Variants in ITSN1 observed in about 807,000 individuals in gnomAD.
ITSN1 encodes the protein intersectin-1.
A neutral mutation model predicts 239.8 loss-of-function variants in ITSN1; 58 were observed. That is an observed-to-expected ratio of 0.24 (90% CI 0.20 to 0.30). ITSN1 has a LOEUF of 0.30. Ranked by LOEUF, ITSN1 falls within the 10% of genes least tolerant of loss-of-function variation. The pLI is 1.00. For synonymous variants in ITSN1, 780 were observed against 770.8 expected, an observed-to-expected ratio of 1.01 and a Z score of -0.20; for missense variants, 1,558 against 2,103.3, an observed-to-expected ratio of 0.74 and a Z score of 5.07.
chr21:33,675,283 G>T (rs1401035047), intron 1 of ITSN1, among the ~76,000 whole-genome samples: 2 of 152,120 alleles, frequency 1.3e-5, no homozygotes, highest in African/African-American at 4.8e-5. Flanking sequence ...CTTGATATGG[G>T]CCGGGCACGG....
At chr21:33,858,436 C>T (rs1979793521) in intron 30 of ITSN1, among the ~76,000 whole-genome samples, 1 of 152,174 alleles carries the variant, frequency 6.6e-6, no homozygotes, top group Admixed American at 6.5e-5. Flanking sequence ...AGACCTGTCT[C>T]CTGGAGACTT....
intron 11 of ITSN1, among the ~76,000 whole-genome samples, chr21:33,771,581 A>G (rs892493433): frequency 2.0e-5 from 3 of 152,242 alleles, no homozygotes; most frequent in Non-Finnish European, 4.4e-5. Flanking sequence ...ACTGACTGTG[A>G]TCTCCATAGG....
rs539516179 is a variant in ITSN1 at position 33,865,728 on chromosome 21, T to C, written c.4074+394T>C. Among the ~76,000 whole-genome samples, 4 of 152,208 alleles carry C rather than the reference T, an allele frequency of 2.6e-5. No homozygotes were observed. Among genetic ancestry groups the C allele is most frequent in the Non-Finnish European group, 5.9e-5 (4 of 68,034 alleles). On this transcript the variant is annotated intron_variant, in intron 32 of 39. Transcript: ENST00000381318. The surrounding 1 kb of genome is among the most constrained non-coding windows in gnomAD (Gnocchi z 4.4). ...CTCTGCCCTTCACTTGCAGAGGGAA[T>C]GGCCAGGACTCCCAGTGGCCCCTTC...
Position 33,811,034 on chromosome 21 carries a change from A to G in ITSN1, c.2379A>G (p.Thr793=). The part of the protein sequence containing the change: ...GWLGGELKGK[T]GWFPANYAEK... ...TTGGAGGAGAATTAAAAGGAAAGAC[A>G]GGGTGGTTCCCTGCAAACTATGCAG... is the stretch of plus-strand genomic sequence containing the variant. Residue 793 remains threonine (T), a synonymous_variant, in exon 21 of 40, where the codon ACA becomes ACG. Transcript: ENST00000381318. 6.2e-7 allele frequency: 1 copy of G among 1,614,230 alleles called. No homozygotes were observed. The highest frequency in any genetic ancestry group is 1.7e-5 in the Admixed American group (1 of 60,028).
intron 1 of ITSN1, among the ~76,000 whole-genome samples, chr21:33,662,475 G>C (rs549493655): frequency 6.6e-6 from 1 of 152,242 alleles, no homozygotes; most frequent in South Asian, 2.1e-4. Context: ...TGAGCAAATA[G>C]GTGATGGGGT....
chr21:33,710,044 C>T (rs2092367229), intron 1 of ITSN1, among the ~76,000 whole-genome samples: 1 of 151,282 alleles, frequency 6.6e-6, no homozygotes, highest in Admixed American at 6.6e-5. Flanking sequence ...GTAGAAGTTT[C>T]CTACTAATTC....
intron 9 of ITSN1, among the ~76,000 whole-genome samples, chr21:33,763,957 C>T (rs993301813): frequency 2.0e-5 from 3 of 152,192 alleles, no homozygotes; most frequent in African/African-American, 7.2e-5. Context: ...TTGCCCTTCT[C>T]TTCCCTTCTG....
At chr21:33,751,585 G>A (rs1414808692) in intron 6 of ITSN1, among the ~76,000 whole-genome samples, 1 of 152,170 alleles carries the variant, frequency 6.6e-6, no homozygotes, top group South Asian at 2.1e-4. Flanking sequence ...ATGGAAATCA[G>A]CATTACTACA....
rs1986728970 is a variant in ITSN1 at position 33,895,682 on chromosome 21, CGTGCATAT to C, written c.*7386_*7393del. ...GTATGCATGTGCATGTTTGTGTGTG[CGTGCATAT>C]GTGTATGTGTGTGCGCGTGCGTGTG... is the stretch of plus-strand genomic sequence containing the variant. On this transcript the variant is annotated 3_prime_UTR_variant, in exon 40 of 40. Transcript: ENST00000381318. 6.8e-6 allele frequency: 1 copy of C among 147,458 alleles called. No homozygotes were observed. Among genetic ancestry groups the C allele is most frequent in the African/African-American group, 2.6e-5 (1 of 38,620 alleles). 9.1% of individuals were successfully genotyped at this position (147,458 alleles called of 1,614,324 possible).
intron 1 of ITSN1, among the ~76,000 whole-genome samples, chr21:33,672,204 C>T (rs1297504981): frequency 1.3e-5 from 2 of 150,442 alleles, no homozygotes; most frequent in South Asian, 2.1e-4. Flanking sequence ...GCAACAAGAG[C>T]GAAACTCTGT....
At chr21:33,775,382 C>T (rs1177761874) in intron 14 of ITSN1, among the ~76,000 whole-genome samples, 4 of 152,174 alleles carry the variant, frequency 2.6e-5, no homozygotes, top group Non-Finnish European at 5.9e-5. Context: ...GGAGCTTACC[C>T]TCTGTTTGCA....
At chr21:33,755,829 T>A (rs1159155947) in intron 8 of ITSN1, among the ~76,000 whole-genome samples, 1 of 152,186 alleles carries the variant, frequency 6.6e-6, no homozygotes, top group African/African-American at 2.4e-5. Flanking sequence ...ACTGCCTAGA[T>A]AGGGCTCACC....
chr21:33,692,236 C>G (rs1164957673), intron 1 of ITSN1, among the ~76,000 whole-genome samples: 1 of 152,192 alleles, frequency 6.6e-6, no homozygotes, highest in Non-Finnish European at 1.5e-5. Context: ...GCTAATTATA[C>G]TAGCATTTTA....
At chr21:33,734,127 A>G (rs1429253114) in intron 4 of ITSN1, among the ~76,000 whole-genome samples, 2 of 152,184 alleles carry the variant, frequency 1.3e-5, no homozygotes, top group African/African-American at 4.8e-5. Flanking sequence ...AAAAATCCTC[A>G]TGCTTTTAAT....
intron 1 of ITSN1, among the ~76,000 whole-genome samples, chr21:33,686,008 C>A (rs1432828816): frequency 2.6e-5 from 4 of 152,204 alleles, no homozygotes; most frequent in African/African-American, 9.6e-5. Context: ...AGTACTTAAG[C>A]ATAGAAAACT....
At chr21:33,721,127 T>C (rs2065457522) in intron 2 of ITSN1, 51 bp from the exon 3 acceptor site, 1 of 1,216,946 alleles carries the variant, frequency 8.2e-7, no homozygotes, top group Non-Finnish European at 1.2e-6. Context: ...GAGAGCATTT[T>C]GTTTTCCTTT....
At chr21:33,725,104 TA>T (rs778135264) in intron 4 of ITSN1, among the ~76,000 whole-genome samples, 6,404 of 133,242 alleles carry the variant, frequency 0.048, 271 homozygotes, top group African/African-American at 0.12. Context: ...CCCTCATCTT[TA>T]AAAAAAAAAA....
chr21:33,791,588 A>G (rs541507489), intron 16 of ITSN1, among the ~76,000 whole-genome samples: 1 of 152,236 alleles, frequency 6.6e-6, no homozygotes, highest in East Asian at 1.9e-4. Flanking sequence ...TTTCAATTTT[A>G]TAGTCTCTCC....
At chr21:33,848,807 TCCTC>T (rs768094964) in intron 29 of ITSN1, among the ~76,000 whole-genome samples, 41 of 152,118 alleles carry the variant, frequency 2.7e-4, no homozygotes, top group Non-Finnish European at 4.4e-4. Context: ...CTCCCATTCT[TCCTC>T]CCTCCATTTG....
Sources: allele counts gnomAD v4.1 joint callset (sites outside exome capture counted in the v4.1 genomes callset), GRCh38; gene constraint gnomAD v4.1.1; non-coding constraint Gnocchi (gnomAD v3.1); transcripts MANE v1.5; gene names NCBI Gene and HGNC (gene_info 2026-07-23, HGNC 2026-07-21).